UBXN4: variants seen among roughly 807,000 people sequenced by gnomAD.
UBXN4 encodes the protein UBX domain-containing protein 4.
In UBXN4, 35 loss-of-function variants were observed where a neutral mutation model predicts 66.2. The ratio of observed to expected loss-of-function variants is 0.53; its 90% CI spans 0.40 to 0.70. The LOEUF (loss-of-function observed/expected upper bound fraction) is 0.70, where lower values mean the gene tolerates loss of function less well. Among genes scored for constraint, UBXN4 ranks in the 30% least tolerant of loss-of-function variants. The pLI, the probability that UBXN4 is intolerant of heterozygous loss-of-function variation, is 0.00. For missense variants in UBXN4, 533 were observed against 599.8 expected, an observed-to-expected ratio of 0.89 and a Z score of 1.16; for synonymous variants, 203 against 204.5, an observed-to-expected ratio of 0.99 and a Z score of 0.06.
At chr2:135,749,480 T>C (rs1299399705) in intron 2 of UBXN4, among the ~76,000 whole-genome samples, 1 of 152,180 alleles carries the variant, frequency 6.6e-6, no homozygotes, top group Admixed American at 6.5e-5. Context: ...ATGTACCCCA[T>C]GTACTTGTCT....
intron 11 of UBXN4, 122 bp from the exon 12 acceptor site, chr2:135,780,061 C>T: frequency 1.2e-6 from 1 of 825,742 alleles, no homozygotes; most frequent in Non-Finnish European, 1.9e-6. Flanking sequence ...TCATTTTACC[C>T]TCTTGAAGTA....
At chr2:135,769,265 G>C (rs960407583) in intron 6 of UBXN4, among the ~76,000 whole-genome samples, 1 of 152,030 alleles carries the variant, frequency 6.6e-6, no homozygotes, top group Non-Finnish European at 1.5e-5. Flanking sequence ...AAAGTGCTGG[G>C]ATTACAGGCA....
At chr2:135,760,987 G>A (rs2077312247) in intron 5 of UBXN4, among the ~76,000 whole-genome samples, 1 of 152,162 alleles carries the variant, frequency 6.6e-6, no homozygotes, top group Non-Finnish European at 1.5e-5. Context: ...TGCTTACCAT[G>A]TGCCAGTCTC....
At chr2:135,780,807 G>C (rs2077444821) in intron 12 of UBXN4, among the ~76,000 whole-genome samples, 1 of 152,122 alleles carries the variant, frequency 6.6e-6, no homozygotes, top group Non-Finnish European at 1.5e-5. Context: ...TTTTAACCCT[G>C]TTGGTTCTTT....
chr2:135,762,164 C>CCATTAAACACAG (rs2077319651), intron 6 of UBXN4, among the ~76,000 whole-genome samples: 1 of 152,174 alleles, frequency 6.6e-6, no homozygotes, highest in South Asian at 2.1e-4. Flanking sequence ...TATTTTGGTA[C>CCATTAAACACAG]ATGGGTGTTT....
intron 6 of UBXN4, among the ~76,000 whole-genome samples, chr2:135,763,261 C>T (rs1010923031): frequency 6.6e-6 from 1 of 152,152 alleles, no homozygotes; most frequent in East Asian, 1.9e-4. Context: ...CTCACCATCC[C>T]CTGCCATAGA....
chr2:135,742,304 G>T (rs1475482858), intron 1 of UBXN4, among the ~76,000 whole-genome samples: 2 of 152,172 alleles, frequency 1.3e-5, no homozygotes, highest in Non-Finnish European at 2.9e-5. Context: ...GCGCCTCCCC[G>T]GTTCGTTTGA....
chr2:135,781,423 G>A (rs1188368469), intron 12 of UBXN4, among the ~76,000 whole-genome samples: 2 of 152,096 alleles, frequency 1.3e-5, no homozygotes, highest in African/African-American at 2.4e-5. Context: ...AATGGACACC[G>A]CTGTTAAGCA....
At chr2:135,742,051 CT>C (rs1382014650) in intron 1 of UBXN4, 40 bp downstream of exon 1, 2 of 1,600,700 alleles carry the variant, frequency 1.2e-6, no homozygotes, top group South Asian at 2.2e-5. Flanking sequence ...CGGGACACCC[CT>C]CCGGCCTACC....
intron 1 of UBXN4, among the ~76,000 whole-genome samples, chr2:135,742,275 G>T (rs1191742722): frequency 2.0e-5 from 3 of 152,310 alleles, no homozygotes; most frequent in Non-Finnish European, 4.4e-5. Context: ...GGCCCGGGCT[G>T]CCGGCCCGTG....
chr2:135,745,055 T>G (rs1286373098), intron 1 of UBXN4, among the ~76,000 whole-genome samples: 1 of 152,206 alleles, frequency 6.6e-6, no homozygotes, highest in Non-Finnish European at 1.5e-5. Context: ...TTTCAGCTAC[T>G]TACGTGATAT....
chr2:135,763,715 A>G (rs1056999740), intron 6 of UBXN4, among the ~76,000 whole-genome samples: 36 of 152,058 alleles, frequency 2.4e-4, no homozygotes, highest in Non-Finnish European at 4.7e-4. Flanking sequence ...AGTCCCAGCT[A>G]CTCAGGAGGC....
intron 1 of UBXN4, chr2:135,747,818 AC>A: frequency 2.6e-6 from 1 of 383,680 alleles, no homozygotes; most frequent in Non-Finnish European, 5.2e-6. Flanking sequence ...ATGGGGTTTT[AC>A]CGTGTTGGCC....
intron 5 of UBXN4, among the ~76,000 whole-genome samples, chr2:135,758,535 T>C (rs2077292237): frequency 6.6e-6 from 1 of 151,998 alleles, no homozygotes; most frequent in Non-Finnish European, 1.5e-5. Context: ...TAAAACTATT[T>C]ATTATGGAAA....
chr2:135,765,931 T>C (rs1453147800), intron 6 of UBXN4, among the ~76,000 whole-genome samples: 2 of 151,986 alleles, frequency 1.3e-5, no homozygotes, highest in African/African-American at 4.8e-5. Flanking sequence ...GGTAGGTGGA[T>C]CAACTGAGGT....
At chr2:135,773,765 T>C (rs1038866270) in intron 9 of UBXN4, among the ~76,000 whole-genome samples, 1 of 152,240 alleles carries the variant, frequency 6.6e-6, no homozygotes, top group Non-Finnish European at 1.5e-5. Context: ...ACAAGTAGTA[T>C]TTTGTAATCA....
intron 9 of UBXN4, among the ~76,000 whole-genome samples, chr2:135,773,279 TTCTC>T (rs1362506119): frequency 6.6e-6 from 1 of 152,164 alleles, no homozygotes; most frequent in Non-Finnish European, 1.5e-5. Flanking sequence ...CCATTACAAT[TTCTC>T]TCTCTCTTTT....
intron 6 of UBXN4, among the ~76,000 whole-genome samples, chr2:135,762,997 A>C (rs1376018950): frequency 6.6e-6 from 1 of 152,162 alleles, no homozygotes; most frequent in Non-Finnish European, 1.5e-5. Flanking sequence ...TTATACTGGA[A>C]AAAGTTTTTA....
At position 135,782,742 on chromosome 2, in the gene UBXN4, G is replaced by T. The variant is rs745331404; in HGVS notation, c.1389-7G>T. ...ATCTTCCCCTTGCTCCCTCTTTTTCGTATCAGGGAACCAGTGAGAAAAAGA... is the reference window on the plus strand; with the variant it reads ...ATCTTCCCCTTGCTCCCTCTTTTTCTTATCAGGGAACCAGTGAGAAAAAGA... On this transcript the variant is annotated splice_region_variant and splice_polypyrimidine_tract_variant and intron_variant, in intron 12 of 12. Transcript: ENST00000272638. The T allele has an allele frequency of 6.2e-6, 10 of 1,605,484 alleles. No homozygotes were observed. Among genetic ancestry groups the T allele is most frequent in the South Asian group, 2.2e-5 (2 of 89,810 alleles).
Sources: gnomAD v4.1 joint callset for allele counts (sites outside exome capture counted in the v4.1 genomes callset) on GRCh38, gnomAD v4.1.1 for gene constraint, MANE v1.5 for transcripts, NCBI Gene and HGNC (gene_info 2026-07-23, HGNC 2026-07-21) for gene names.